The following MLXIP variants were observed in gnomAD, a reference collection of about 807,000 sequenced individuals.
MLXIP encodes the protein MLX interacting protein, also known as MLX-interacting protein.
MLXIP carries 30 observed loss-of-function variants against 87.2 expected under a neutral mutation model. That is an observed-to-expected ratio of 0.34 (90% CI 0.26 to 0.47). The LOEUF (loss-of-function observed/expected upper bound fraction) is 0.47, where lower values mean the gene tolerates loss of function less well. MLXIP is among the 20% of genes least tolerant of loss of function. The probability of loss-of-function intolerance (pLI) is 1.00; values close to 1 mark genes in which losing one functional copy is unlikely to be tolerated. For missense variants in MLXIP, 1,002 were observed against 1,240.1 expected, an observed-to-expected ratio of 0.81 and a Z score of 2.88; for synonymous variants, 530 against 514.0, an observed-to-expected ratio of 1.03 and a Z score of -0.42.
Position 122,142,408 on chromosome 12 carries a change from C to T in MLXIP, c.*596C>T, listed in dbSNP as rs1391526758. The T allele has an allele frequency of 1.1e-5, 5 of 471,656 alleles. No individual in the cohort carries two copies. Among genetic ancestry groups the T allele is most frequent in the East Asian group, 1.1e-4 (2 of 17,594 alleles). The allele number at this position is 471,656 out of a possible 1,614,324, so 29.2% of individuals were successfully genotyped here. A position where few individuals can be genotyped will look rare whatever the true frequency, so the allele number is the denominator to read the frequency against. On this transcript the variant is annotated 3_prime_UTR_variant, in exon 17 of 17. Transcript: ENST00000319080. ...AGGGGGAAGTGCCTTCTTCAGAGGT[C>T]CTCCAGGACACATGTGTGCAGAAAC...
chr12:122,127,803 G>T (rs7486198), intron 2 of MLXIP, 80 bp from the exon 3 acceptor site: 549,841 of 1,138,678 alleles, frequency 0.48, 133,935 homozygotes, highest in African/African-American at 0.61. Context: ...GTCTGCCCTA[G>T]GGGAGGGGTG....
intron 1 of MLXIP, among the ~76,000 whole-genome samples, chr12:122,088,625 G>A (rs559807395): frequency 2.7e-4 from 41 of 152,254 alleles, no homozygotes; most frequent in African/African-American, 9.4e-4. Flanking sequence ...AGCCGCCTGG[G>A]GCAGTTTTCA....
chr12:122,119,453 G>T (rs1163016489), intron 1 of MLXIP, among the ~76,000 whole-genome samples: 1 of 151,874 alleles, frequency 6.6e-6, no homozygotes, highest in South Asian at 2.1e-4. Context: ...GTGCAATGGC[G>T]CAATCTCAGC....
intron 1 of MLXIP, among the ~76,000 whole-genome samples, chr12:122,084,942 A>T (rs1417155669): frequency 1.3e-5 from 2 of 152,204 alleles, no homozygotes; most frequent in African/African-American, 4.8e-5. Flanking sequence ...AATAAAAAAT[A>T]AAAAACCAAA....
chr12:122,124,985 G>T (rs1294155228), intron 1 of MLXIP, among the ~76,000 whole-genome samples: 2 of 152,160 alleles, frequency 1.3e-5, no homozygotes, highest in Non-Finnish European at 2.9e-5. Context: ...TGACCAACAT[G>T]ATGAAATCCC....
At chr12:122,138,050 G>A in intron 12 of MLXIP, 144 bp from the exon 13 acceptor site, 1 of 668,668 alleles carries the variant, frequency 1.5e-6, no homozygotes, top group Non-Finnish European at 2.6e-6. Flanking sequence ...CCTCATTGGA[G>A]CCTTCAGCTT....
At chr12:122,094,126 G>T (rs1952302121) in intron 1 of MLXIP, among the ~76,000 whole-genome samples, 1 of 125,510 alleles carries the variant, frequency 8.0e-6, no homozygotes, top group African/African-American at 2.7e-5. Flanking sequence ...GTGTGTGTTG[G>T]TATGTGTGTG....
Position 122,124,202 on chromosome 12 carries a change from C to CCG in MLXIP, c.414-3054_414-3053insCG, listed in dbSNP as rs1247292231. 1.7e-4 allele frequency among the ~76,000 whole-genome samples: 5 copies of CCG among 29,248 alleles called. 1 individual carries two copies. The highest frequency in any genetic ancestry group is 1.1e-3 in the African/African-American group (5 of 4,622). 19.2% of individuals were successfully genotyped at this position (29,248 alleles called of 152,430 possible). On this transcript the variant is annotated intron_variant, in intron 1 of 16. Transcript: ENST00000319080. Reference sequence around the variant, plus strand: ...CGCCCCAGCCGTCCCCCGCCCTCAGCTGTCCCCCTCCTCAGCCGTCCCCCC... The same window carrying CCG: ...CGCCCCAGCCGTCCCCCGCCCTCAGCCGTGTCCCCCTCCTCAGCCGTCCCCCC...
intron 1 of MLXIP, among the ~76,000 whole-genome samples, chr12:122,107,614 C>G (rs1460406622): frequency 1.3e-5 from 2 of 152,192 alleles, no homozygotes; most frequent in Non-Finnish European, 2.9e-5. Context: ...TTCATTCTTA[C>G]CACAGCTCTG....
intron 1 of MLXIP, among the ~76,000 whole-genome samples, chr12:122,122,195 C>A (rs751626764): frequency 5.9e-5 from 9 of 152,132 alleles, no homozygotes; most frequent in Non-Finnish European, 1.3e-4. Flanking sequence ...GGAGCATAAT[C>A]CAAGTTAGAC....
intron 1 of MLXIP, among the ~76,000 whole-genome samples, chr12:122,093,525 T>G (rs1593065131): frequency 7.7e-6 from 1 of 129,064 alleles, no homozygotes; most frequent in African/African-American, 3.0e-5. Flanking sequence ...GTGTGGAGGG[T>G]GTGTGTGTTG....
chr12:122,088,392 T>G (rs539366683), intron 1 of MLXIP, among the ~76,000 whole-genome samples: 1 of 152,282 alleles, frequency 6.6e-6, no homozygotes, highest in African/African-American at 2.4e-5. Context: ...CAGAAAAATC[T>G]TCTAGAAGGA....
chr12:122,079,480 G>A (rs556427546), intron 1 of MLXIP, among the ~76,000 whole-genome samples: 5 of 152,318 alleles, frequency 3.3e-5, no homozygotes, highest in African/African-American at 1.2e-4. Flanking sequence ...GGGTCCTTTC[G>A]GGTTCACGTT....
intron 1 of MLXIP, among the ~76,000 whole-genome samples, chr12:122,109,026 G>A (rs1381319143): frequency 2.0e-5 from 3 of 152,100 alleles, no homozygotes; most frequent in Non-Finnish European, 2.9e-5. Context: ...TCTGCCTTCC[G>A]GGCTCAAGTG....
intron 1 of MLXIP, among the ~76,000 whole-genome samples, chr12:122,126,359 A>G (rs1363488472): frequency 2.0e-5 from 3 of 152,182 alleles, no homozygotes; most frequent in Non-Finnish European, 4.4e-5. Flanking sequence ...CTCCCGTGAG[A>G]CCGTCCCCGA....
At position 122,137,266 on chromosome 12, in the gene MLXIP, G is replaced by A; in HGVS notation, c.2033-203G>A. ...CCATCGTGTTCTGTGTGGATTAAGG[G>A]TGTTTTTGTTGTTGTTATTAATTTA... is the stretch of plus-strand genomic sequence containing the variant. On this transcript the variant is annotated intron_variant, in intron 11 of 16. Transcript: ENST00000319080. The surrounding 1 kb of genome is among the most constrained non-coding windows in gnomAD (Gnocchi z 4.1). 2.0e-6 allele frequency: 1 copy of A among 506,364 alleles called. No individual in the cohort carries two copies. The highest frequency in any genetic ancestry group is 3.4e-6 in the Non-Finnish European group (1 of 296,160). 31.4% of individuals were successfully genotyped at this position (506,364 alleles called of 1,614,324 possible).
intron 1 of MLXIP, among the ~76,000 whole-genome samples, chr12:122,123,488 C>A (rs1449678873): frequency 6.6e-6 from 1 of 152,124 alleles, no homozygotes; most frequent in Non-Finnish European, 1.5e-5. Context: ...GACGTAAACA[C>A]CCAAAGAAAA....
intron 1 of MLXIP, among the ~76,000 whole-genome samples, chr12:122,103,674 C>A (rs1952473954): frequency 6.6e-6 from 1 of 151,404 alleles, no homozygotes; most frequent in South Asian, 2.1e-4. Flanking sequence ...TGCCCACCAC[C>A]ACACCTGGCT....
At position 122,135,746 on chromosome 12, in the gene MLXIP, C is replaced by T; in HGVS notation, c.2032+80C>T. Reference sequence around the variant, plus strand: ...TGCCGTAGACCATGGGGGGTGCTTGCTGGGTCCCCAGGACGGAGCCTGGGC... The same window carrying T: ...TGCCGTAGACCATGGGGGGTGCTTGTTGGGTCCCCAGGACGGAGCCTGGGC... On this transcript the variant is annotated intron_variant, in intron 11 of 16. Transcript: ENST00000319080. The surrounding 1 kb of genome is among the most constrained non-coding windows in gnomAD (Gnocchi z 5.3). 1 of 1,417,234 alleles carries T rather than the reference C, an allele frequency of 7.1e-7. No individual in the cohort carries two copies. Among genetic ancestry groups the T allele is most frequent in the Non-Finnish European group, 9.2e-7 (1 of 1,083,596 alleles). The allele number at this position is 1,417,234 out of a possible 1,614,324, so 87.8% of individuals were successfully genotyped here.
Sources: gnomAD v4.1 joint callset for allele counts (sites outside exome capture counted in the v4.1 genomes callset) on GRCh38, gnomAD v4.1.1 for gene constraint, Gnocchi (gnomAD v3.1) non-coding constraint, MANE v1.5 for transcripts, NCBI Gene and HGNC (gene_info 2026-07-23, HGNC 2026-07-21) for gene names.